KCNH8: variants seen among roughly 807,000 people sequenced by gnomAD.
The protein encoded by KCNH8 is potassium voltage-gated channel subfamily H member 8, also known as voltage-gated delayed rectifier potassium channel KCNH8.
In KCNH8, 70 loss-of-function variants were observed where a neutral mutation model predicts 103.6. That is an observed-to-expected ratio of 0.68 (90% CI 0.56 to 0.82). The LOEUF (loss-of-function observed/expected upper bound fraction) is 0.82. KCNH8 is among the 40% of genes least tolerant of loss of function. KCNH8 has a pLI of 0.00. For missense variants in KCNH8, 1,217 were observed against 1,329.9 expected (o/e 0.92, Z 1.32); for synonymous variants, 498 against 489.4 (o/e 1.02, Z -0.23).
At chr3:19,376,291 T>A (rs1222631707) in intron 5 of KCNH8, among the ~76,000 whole-genome samples, 1 of 152,204 alleles carries the variant, frequency 6.6e-6, no homozygotes, top group Non-Finnish European at 1.5e-5. Flanking sequence ...GTGCAGGATA[T>A]AATCTCGTGG....
At chr3:19,440,302 C>T (rs1387527495) in intron 8 of KCNH8, among the ~76,000 whole-genome samples, 1 of 152,064 alleles carries the variant, frequency 6.6e-6, no homozygotes, top group Non-Finnish European at 1.5e-5. Context: ...AAATAACAGG[C>T]TTGATTCAAC....
At chr3:19,387,243 A>G (rs1169408361) in intron 5 of KCNH8, among the ~76,000 whole-genome samples, 1 of 152,176 alleles carries the variant, frequency 6.6e-6, no homozygotes, top group Non-Finnish European at 1.5e-5. Context: ...AATTTGATCG[A>G]AGGACTACAA....
chr3:19,297,395 T>C (rs1045443007), intron 3 of KCNH8, among the ~76,000 whole-genome samples: 2 of 152,162 alleles, frequency 1.3e-5, no homozygotes, highest in Non-Finnish European at 2.9e-5. Flanking sequence ...GATGATACAT[T>C]GATGAAAATA....
At position 19,518,021 on chromosome 3, in the gene KCNH8, C is replaced by G; in HGVS notation, c.2566C>G (p.Leu856Val). The G allele has an allele frequency of 6.2e-7, 1 of 1,612,266 alleles. No homozygotes were observed. The highest frequency in any genetic ancestry group is 8.5e-7 in the Non-Finnish European group (1 of 1,178,822). Reference sequence around the variant, plus strand: ...AGATCCAGAGATTGGAGCTGCTGTTCTCTTCATCAAAGCAGAGGAGACCAA... The same window carrying G: ...AGATCCAGAGATTGGAGCTGCTGTTGTCTTCATCAAAGCAGAGGAGACCAA... Reference protein sequence around the residue: ...LGDPEIGAAVLFIKAEETKQQ... With the variant: ...LGDPEIGAAVVFIKAEETKQQ... Residue 856 changes from leucine to valine, a missense_variant, in exon 15 of 16, where the codon CTC becomes GTC. Coordinates refer to ENST00000328405, the MANE Select transcript of KCNH8 (RefSeq NM_144633.3).
chr3:19,447,254 C>G (rs1242290520), intron 8 of KCNH8, among the ~76,000 whole-genome samples: 1 of 151,838 alleles, frequency 6.6e-6, no homozygotes, highest in African/African-American at 2.4e-5. Context: ...CTATGAGGAC[C>G]AGAATTTTAT....
At chr3:19,283,151 G>T (rs187842572) in intron 3 of KCNH8, among the ~76,000 whole-genome samples, 2 of 152,140 alleles carry the variant, frequency 1.3e-5, no homozygotes, top group African/African-American at 4.8e-5. Context: ...AAGTTAAGGA[G>T]CAGAGAGAGG....
intron 1 of KCNH8, among the ~76,000 whole-genome samples, chr3:19,156,857 T>C (rs2063185534): frequency 6.6e-6 from 1 of 152,080 alleles, no homozygotes; most frequent in South Asian, 2.1e-4. Context: ...TATTTTCCAG[T>C]GTCAGGTACT....
intron 1 of KCNH8, among the ~76,000 whole-genome samples, chr3:19,210,430 ACAAAAC>A (rs1462933901): frequency 1.3e-5 from 2 of 152,128 alleles, no homozygotes; most frequent in Admixed American, 1.3e-4. Context: ...AGAAAATAAC[ACAAAAC>A]CCCTACCACC....
At chr3:19,449,427 T>C (rs2067411207) in intron 8 of KCNH8, among the ~76,000 whole-genome samples, 2 of 151,754 alleles carry the variant, frequency 1.3e-5, no homozygotes, top group Admixed American at 6.6e-5. Flanking sequence ...AATATCTCCC[T>C]CAAAATTAAA....
chr3:19,305,016 C>T (rs770590382), intron 3 of KCNH8, among the ~76,000 whole-genome samples: 6 of 151,840 alleles, frequency 4.0e-5, no homozygotes, highest in Non-Finnish European at 7.4e-5. Flanking sequence ...CAGCTAAGTT[C>T]CCAGATCTAA....
chr3:19,149,154 G>T (rs908722742), intron 1 of KCNH8, among the ~76,000 whole-genome samples: 5 of 152,096 alleles, frequency 3.3e-5, no homozygotes, highest in African/African-American at 1.2e-4. Flanking sequence ...AATCTTTCTA[G>T]AGTTTCAAGG....
intron 7 of KCNH8, among the ~76,000 whole-genome samples, chr3:19,396,628 T>C (rs1328029183): frequency 6.6e-6 from 1 of 151,792 alleles, no homozygotes; most frequent in Non-Finnish European, 1.5e-5. Flanking sequence ...AGCAAACATA[T>C]CTTAGATAAA....
chr3:19,287,118 A>AT (rs1559459835), intron 3 of KCNH8, among the ~76,000 whole-genome samples: 1 of 151,714 alleles, frequency 6.6e-6, no homozygotes, highest in Non-Finnish European at 1.5e-5. Flanking sequence ...AAAAAAAAAA[A>AT]GGTCATAGGT....
intron 10 of KCNH8, among the ~76,000 whole-genome samples, chr3:19,454,892 T>C (rs543550851): frequency 1.9e-3 from 287 of 152,316 alleles, no homozygotes; most frequent in African/African-American, 6.4e-3. Flanking sequence ...AAATGATTAA[T>C]ATTTACTTTC....
intron 1 of KCNH8, among the ~76,000 whole-genome samples, chr3:19,173,345 G>C (rs569153480): frequency 6.6e-6 from 1 of 152,222 alleles, no homozygotes; most frequent in Admixed American, 6.5e-5. Context: ...TGGATGCCTG[G>C]ACAGTGCCCG....
chr3:19,254,791 A>G (rs1189307852), intron 2 of KCNH8, among the ~76,000 whole-genome samples: 1 of 152,170 alleles, frequency 6.6e-6, no homozygotes, highest in African/African-American at 2.4e-5. Flanking sequence ...CCAAACTAGA[A>G]AAAAATATTT....
intron 1 of KCNH8, among the ~76,000 whole-genome samples, chr3:19,249,390 T>C (rs2064247982): frequency 6.6e-6 from 1 of 152,224 alleles, no homozygotes; most frequent in Admixed American, 6.5e-5. Flanking sequence ...CTCTTTAGAA[T>C]TGAAATGCAA....
chr3:19,447,597 G>A (rs1223834383), intron 8 of KCNH8, among the ~76,000 whole-genome samples: 2 of 152,012 alleles, frequency 1.3e-5, no homozygotes, highest in Non-Finnish European at 2.9e-5. Flanking sequence ...TGTTAAAGAT[G>A]GTAGGGCTTC....
At chr3:19,392,632 C>T (rs1423058824) in intron 6 of KCNH8, among the ~76,000 whole-genome samples, 1 of 151,956 alleles carries the variant, frequency 6.6e-6, no homozygotes, top group Non-Finnish European at 1.5e-5. Flanking sequence ...AAAATATGTC[C>T]AGTTAATGCA....
Sources: allele counts gnomAD v4.1 joint callset (sites outside exome capture counted in the v4.1 genomes callset), GRCh38; gene constraint gnomAD v4.1.1; transcripts MANE v1.5; gene names NCBI Gene and HGNC (gene_info 2026-07-23, HGNC 2026-07-21).